Variants in SARDH observed in about 807,000 individuals in gnomAD.
SARDH encodes the protein sarcosine dehydrogenase, also known as sarcosine dehydrogenase, mitochondrial.
In SARDH, 95 loss-of-function variants were observed where a neutral mutation model predicts 109.1. The ratio of observed to expected loss-of-function variants is 0.87; its 90% CI spans 0.74 to 1.03. The LOEUF (loss-of-function observed/expected upper bound fraction) is 1.03, where lower values mean the gene tolerates loss of function less well. SARDH is among the 50% of genes least tolerant of loss of function. The probability of loss-of-function intolerance (pLI) is 0.00; values close to 1 mark genes in which losing one functional copy is unlikely to be tolerated. For missense variants in SARDH, 1,267 were observed against 1,287.8 expected (o/e 0.98, Z 0.25); for synonymous variants, 572 against 534.8 (o/e 1.07, Z -0.96).
chr9:133,735,340 T>C (rs1262265752), intron 1 of SARDH, among the ~76,000 whole-genome samples: 1 of 152,036 alleles, frequency 6.6e-6, no homozygotes, highest in Non-Finnish European at 1.5e-5. Flanking sequence ...TCCCCTCTGC[T>C]CCTTCCCAGC....
chr9:133,661,732 C>T (rs891230152), downstream of SARDH, among the ~76,000 whole-genome samples: 9 of 152,162 alleles, frequency 5.9e-5, no homozygotes, highest in Non-Finnish European at 1.0e-4. Context: ...CCGCCCCCCT[C>T]GGCCTCCCAA....
In SARDH at chr9:133,690,427, G is replaced by A. The variant is rs771277002; in HGVS notation, c.2022C>T (p.Ile674=). 9.3e-6 allele frequency: 15 copies of A among 1,613,272 alleles called. No homozygotes were observed. In the South Asian group the frequency reaches 1.2e-4, roughly 13 times the overall value. The change falls in exon 16 of 21, where the codon ATC becomes ATT. Residue 674 remains isoleucine, a synonymous_variant. Coordinates refer to ENST00000439388, the MANE Select transcript of SARDH (RefSeq NM_001134707.2). The part of the protein sequence containing the change: ...LQDQKSQCQL[I]DSSEDLGMIS... ...TCATACCCAGGTCCTCGGAGCTGTCGATGAGCTGGCACTGGGACTTCTGGT... is the reference window on the plus strand; with the variant it reads ...TCATACCCAGGTCCTCGGAGCTGTCAATGAGCTGGCACTGGGACTTCTGGT...
chr9:133,712,971 C>G lies in SARDH; in HGVS notation c.1237+67G>C, dbSNP rs757779147. ...GGCCACGGTGCTCCTGCGCCCGCCTCCCCCAGAGCTCTGGGAATGACAGGA... is the reference window on the plus strand; with the variant it reads ...GGCCACGGTGCTCCTGCGCCCGCCTGCCCCAGAGCTCTGGGAATGACAGGA... On this transcript the variant is annotated intron_variant, in intron 9 of 20. Transcript: ENST00000439388. The surrounding 1 kb of genome is among the most constrained non-coding windows in gnomAD (Gnocchi z 4.1). The G allele has an allele frequency of 2.0e-6, 3 of 1,476,898 alleles. No homozygotes were observed. Among genetic ancestry groups the G allele is most frequent in the Non-Finnish European group, 2.8e-6 (3 of 1,078,904 alleles). 91.5% of individuals were successfully genotyped at this position (1,476,898 alleles called of 1,614,324 possible).
chr9:133,702,549 C>A (rs1831526203), intron 13 of SARDH, among the ~76,000 whole-genome samples: 2 of 152,158 alleles, frequency 1.3e-5, no homozygotes, highest in South Asian at 4.1e-4. Flanking sequence ...AGGGAGGACC[C>A]CCTTCCCCCA....
chr9:133,713,098 G>A lies in SARDH; in HGVS notation c.1177C>T (p.Leu393=). The A allele has an allele frequency of 6.2e-7, 1 of 1,613,416 alleles. No homozygotes were observed. The highest frequency in any genetic ancestry group is 8.5e-7 in the Non-Finnish European group (1 of 1,179,946). ...CGGAGCTCAGGTGCCTCCCCCATCA[G>A]GGGCTTGTGGTCGGGCGTGAAGGAT... ...PESFTPDHKP[L]MGEAPELRGF... The change falls in exon 9 of 21, where the codon CTG becomes TTG. Residue 393 remains leucine, a synonymous_variant. Coordinates refer to ENST00000439388, the MANE Select transcript of SARDH (RefSeq NM_001134707.2).
At chr9:133,685,337 C>T (rs1224399454) in intron 16 of SARDH, 51 bp from the exon 17 acceptor site, 1 of 1,550,234 alleles carries the variant, frequency 6.5e-7, no homozygotes, top group Non-Finnish European at 8.8e-7. Context: ...CGGGTGGGGC[C>T]TGGGCAGGAA....
chr9:133,712,958 C>T lies in SARDH; in HGVS notation c.1237+80G>A. 7.1e-7 allele frequency: 1 copy of T among 1,403,914 alleles called. No individual in the cohort carries two copies. Among genetic ancestry groups the T allele is most frequent in the Non-Finnish European group, 9.8e-7 (1 of 1,018,764 alleles). The allele number at this position is 1,403,914 out of a possible 1,614,324, so 87.0% of individuals were successfully genotyped here. ...CACCACTGTCGGGGGCCACGGTGCT[C>T]CTGCGCCCGCCTCCCCCAGAGCTCT... On this transcript the variant is annotated intron_variant, in intron 9 of 20. Coordinates refer to ENST00000439388, the MANE Select transcript of SARDH (RefSeq NM_001134707.2). The surrounding 1 kb of genome is among the most constrained non-coding windows in gnomAD (Gnocchi z 4.1).
rs1832228309 is a variant in SARDH, at chr9:133,719,031, AT to A, written c.926del (p.Asn309MetfsTer85). On this transcript the variant is annotated frameshift_variant, in exon 7 of 21. Coordinates refer to ENST00000439388, the MANE Select transcript of SARDH (RefSeq NM_001134707.2). LOFTEE classifies it high-confidence loss of function. ...ERIEGIQNMP[N>X]VRDHDASVYL... ...AGACAGAGGCATCATGATCACGGACATTGGGCATGTTCTGGAAGGCAGAGAG... is the reference window on the plus strand; with the variant it reads ...AGACAGAGGCATCATGATCACGGACATGGGCATGTTCTGGAAGGCAGAGAG... 6.2e-7 allele frequency: 1 copy of A among 1,613,944 alleles called. No individual in the cohort carries two copies. Among genetic ancestry groups the A allele is most frequent in the Non-Finnish European group, 8.5e-7 (1 of 1,179,962 alleles).
intron 17 of SARDH, among the ~76,000 whole-genome samples, chr9:133,684,559 G>A (rs896934320): frequency 2.6e-5 from 4 of 152,010 alleles, no homozygotes; most frequent in Admixed American, 6.5e-5. Context: ...ACTAGAATCT[G>A]GGCCCCGATC....
intron 13 of SARDH, among the ~76,000 whole-genome samples, chr9:133,702,145 G>A (rs1432144065): frequency 1.3e-5 from 2 of 152,210 alleles, no homozygotes; most frequent in East Asian, 1.9e-4. Flanking sequence ...GGGGTGGCAC[G>A]GGGACAACAG....
chr9:133,736,602 G>A (rs1832894414), intron 1 of SARDH, among the ~76,000 whole-genome samples: 2 of 152,170 alleles, frequency 1.3e-5, no homozygotes, highest in Admixed American at 1.3e-4. Context: ...CACCATGTTG[G>A]CCAGGCTGGT....
intron 10 of SARDH, among the ~76,000 whole-genome samples, chr9:133,708,762 G>A (rs978586428): frequency 6.6e-6 from 1 of 152,106 alleles, no homozygotes; most frequent in East Asian, 1.9e-4. Context: ...GGGGAGTCCT[G>A]GGGTGCCCCT....
rs1228121926 is a variant in SARDH, at chr9:133,693,603, G to A, written c.1921+655C>T. Among the ~76,000 whole-genome samples the A allele has an allele frequency of 6.6e-6, 1 of 152,222 alleles. No individual in the cohort carries two copies. Among genetic ancestry groups the A allele is most frequent in the African/African-American group, 2.4e-5 (1 of 41,452 alleles). On this transcript the variant is annotated intron_variant, in intron 15 of 20. Transcript: ENST00000439388. This position sits in a 1 kb window ranked among gnomAD's most constrained non-coding sequence, Gnocchi z 5.6. ...TTTCCCTCTCTGCTTCTTCATCCCT[G>A]GTGGGGATGGGTTACAGGACGAGAG... is the stretch of plus-strand genomic sequence containing the variant.
intron 2 of SARDH, 119 bp from the exon 3 acceptor site, chr9:133,732,720 T>G: frequency 8.7e-7 from 1 of 1,149,598 alleles, no homozygotes; most frequent in Non-Finnish European, 1.2e-6. Context: ...GCAAGGTCTT[T>G]CTCTGCAGGA....
At chr9:133,678,453 T>C (rs1830589667) in intron 17 of SARDH, among the ~76,000 whole-genome samples, 1 of 152,164 alleles carries the variant, frequency 6.6e-6, no homozygotes, top group Admixed American at 6.5e-5. Flanking sequence ...TCATGGACAG[T>C]AGAGGCCCTC....
chr9:133,666,994 G>A lies in SARDH; in HGVS notation c.2496-124C>T. 1 of 1,346,284 alleles carries A rather than the reference G, an allele frequency of 7.4e-7. No individual in the cohort carries two copies. The highest frequency in any genetic ancestry group is 1.3e-5 in the South Asian group (1 of 79,732). 83.4% of individuals were successfully genotyped at this position (1,346,284 alleles called of 1,614,324 possible). On this transcript the variant is annotated intron_variant, in intron 19 of 20. Coordinates refer to ENST00000439388, the MANE Select transcript of SARDH (RefSeq NM_001134707.2). The surrounding 1 kb of genome is among the most constrained non-coding windows in gnomAD (Gnocchi z 5.2). ...CCCAACCGTGGCTCCAGGCAGATAG[G>A]GCTGGCCTACTAGGACTACGCTGGT... is the stretch of plus-strand genomic sequence containing the variant.
At chr9:133,727,472 C>T (rs1832532483) in intron 6 of SARDH, among the ~76,000 whole-genome samples, 1 of 152,254 alleles carries the variant, frequency 6.6e-6, no homozygotes, top group Non-Finnish European at 1.5e-5. Context: ...GGAGAGGGCC[C>T]CCTGGCTTGT....
At chr9:133,708,878 G>T (rs778065400) in intron 10 of SARDH, among the ~76,000 whole-genome samples, 1 of 152,046 alleles carries the variant, frequency 6.6e-6, no homozygotes, top group African/African-American at 2.4e-5. Flanking sequence ...CTGGTGATGC[G>T]TCAGAACACC....
At chr9:133,720,022 A>G (rs961760205) in intron 6 of SARDH, among the ~76,000 whole-genome samples, 1 of 152,116 alleles carries the variant, frequency 6.6e-6, no homozygotes, top group Admixed American at 6.6e-5. Context: ...GAGGCAGGAG[A>G]ATGCGTGAAC....
Sources: allele counts gnomAD v4.1 joint callset (sites outside exome capture counted in the v4.1 genomes callset), GRCh38; gene constraint gnomAD v4.1.1; non-coding constraint Gnocchi (gnomAD v3.1); transcripts MANE v1.5; gene names NCBI Gene and HGNC (gene_info 2026-07-23, HGNC 2026-07-21).